The following NYAP2 variants were observed in gnomAD, a reference collection of about 807,000 sequenced individuals.
The protein encoded by NYAP2 is neuronal tyrosine-phosphorylated phosphoinositide-3-kinase adapter 2.
NYAP2 carries 23 observed loss-of-function variants against 50.4 expected under a neutral mutation model. The ratio of observed to expected loss-of-function variants is 0.46; its 90% CI spans 0.33 to 0.65. The LOEUF (loss-of-function observed/expected upper bound fraction) is 0.65, where lower values mean the gene tolerates loss of function less well. Ranked by LOEUF, NYAP2 falls within the 30% of genes least tolerant of loss-of-function variation. The pLI, the probability that NYAP2 is intolerant of heterozygous loss-of-function variation, is 0.02. For missense variants in NYAP2, 885 were observed against 861.0 expected (o/e 1.03, Z -0.35); for synonymous variants, 394 against 365.2 (o/e 1.08, Z -0.90).
intron 4 of NYAP2, among the ~76,000 whole-genome samples, chr2:225,554,348 T>C (rs908177253): frequency 6.8e-6 from 1 of 147,304 alleles, no homozygotes; most frequent in African/African-American, 2.5e-5. Context: ...TGAGACAGAA[T>C]CTCATTCTGT....
At chr2:225,616,624 C>T (rs1056814330) in intron 5 of NYAP2, among the ~76,000 whole-genome samples, 4 of 152,272 alleles carry the variant, frequency 2.6e-5, no homozygotes, top group East Asian at 1.9e-4. Context: ...AGAAAGTCAA[C>T]GTGAGCTCTG....
chr2:225,582,631 C>G lies in NYAP2; in HGVS notation c.1214C>G (p.Ser405Cys). The change falls in exon 5 of 7, where the codon TCT becomes TGT. Residue 405 changes from serine (S) to cysteine (C), a missense_variant. Ser to Cys is a moderately radical substitution (Grantham distance 112). Transcript: ENST00000636099. The surrounding 1 kb of genome is among the most constrained non-coding windows in gnomAD (Gnocchi z 7.0). ...CAGGCCGCGGCCCTGGGACCTGCCT[C>G]TGCCACCCCTGCGCTCTCCTCGTCG... 2 of 1,596,088 alleles carry G rather than the reference C, an allele frequency of 1.3e-6. No individual in the cohort carries two copies. The highest frequency in any genetic ancestry group is 2.3e-5 in the East Asian group (1 of 43,614).
At chr2:225,499,811 T>C (rs918624447) in intron 3 of NYAP2, among the ~76,000 whole-genome samples, 1 of 151,992 alleles carries the variant, frequency 6.6e-6, no homozygotes, top group Non-Finnish European at 1.5e-5. Flanking sequence ...TAAAGATGAA[T>C]GAATGATTTA....
intron 3 of NYAP2, among the ~76,000 whole-genome samples, chr2:225,483,731 A>T (rs1295311844): frequency 5.3e-5 from 8 of 152,226 alleles, no homozygotes; most frequent in Non-Finnish European, 7.4e-5. Flanking sequence ...TTTGAGTCCC[A>T]AAAAGGTTTA....
chr2:225,601,062 T>G (rs942241343), intron 5 of NYAP2, among the ~76,000 whole-genome samples: 1 of 152,166 alleles, frequency 6.6e-6, no homozygotes, highest in African/African-American at 2.4e-5. Context: ...TCACTTTCTA[T>G]TCTTTAGAAA....
chr2:225,591,158 C>T (rs1692495089), intron 5 of NYAP2, among the ~76,000 whole-genome samples: 1 of 152,028 alleles, frequency 6.6e-6, no homozygotes, highest in South Asian at 2.1e-4. Context: ...CAAAGGTGTG[C>T]TATCTCAGAG....
At chr2:225,417,905 C>T (rs1574604277) in intron 3 of NYAP2, among the ~76,000 whole-genome samples, 1 of 152,014 alleles carries the variant, frequency 6.6e-6, no homozygotes, top group East Asian at 1.9e-4. Context: ...TGCTTGTCCT[C>T]ATCGGAGTTA....
intron 5 of NYAP2, among the ~76,000 whole-genome samples, chr2:225,597,202 A>G (rs1427105202): frequency 6.6e-6 from 1 of 151,884 alleles, no homozygotes; most frequent in Non-Finnish European, 1.5e-5. Context: ...TATGTGAATA[A>G]GTCCTTTAGT....
chr2:225,497,370 G>A (rs79216207), intron 3 of NYAP2, among the ~76,000 whole-genome samples: 1 of 152,286 alleles, frequency 6.6e-6, no homozygotes, highest in East Asian at 1.9e-4. Context: ...CTCTTAAGTA[G>A]CGTCTTTAGT....
intron 3 of NYAP2, among the ~76,000 whole-genome samples, chr2:225,488,564 G>C (rs1370013977): frequency 6.6e-6 from 1 of 152,144 alleles, no homozygotes; most frequent in Non-Finnish European, 1.5e-5. Context: ...AGTAGAGACA[G>C]GGTTTTGCCA....
chr2:225,605,345 TA>T (rs1372521211), intron 5 of NYAP2, among the ~76,000 whole-genome samples: 1 of 152,244 alleles, frequency 6.6e-6, no homozygotes, highest in Non-Finnish European at 1.5e-5. Flanking sequence ...TTATCTTTTT[TA>T]AAAAAATTTA....
chr2:225,444,262 T>C (rs1689516866), intron 3 of NYAP2, among the ~76,000 whole-genome samples: 1 of 54,292 alleles, frequency 1.8e-5, no homozygotes, highest in Non-Finnish European at 4.2e-5. Flanking sequence ...GGTCTAACAT[T>C]CACACCAACA....
At chr2:225,420,427 A>G (rs891669732) in intron 3 of NYAP2, among the ~76,000 whole-genome samples, 1 of 152,180 alleles carries the variant, frequency 6.6e-6, no homozygotes, top group Non-Finnish European at 1.5e-5. Context: ...AATTTTTAAA[A>G]TTTTTTTATA....
chr2:225,583,779 G>T (rs1424197704), intron 5 of NYAP2, among the ~76,000 whole-genome samples: 1 of 152,114 alleles, frequency 6.6e-6, no homozygotes, highest in Non-Finnish European at 1.5e-5. Context: ...GGTGGCTCGC[G>T]CCTGTAATCC....
intron 4 of NYAP2, among the ~76,000 whole-genome samples, chr2:225,515,862 G>C (rs1690922370): frequency 6.6e-6 from 1 of 152,066 alleles, no homozygotes; most frequent in Non-Finnish European, 1.5e-5. Flanking sequence ...TGGGGGGCCT[G>C]AATGCAGTCA....
chr2:225,476,412 C>CAAA (rs61496030), intron 3 of NYAP2, among the ~76,000 whole-genome samples: 1 of 97,416 alleles, frequency 1.0e-5, no homozygotes, highest in South Asian at 3.3e-4. Flanking sequence ...GACTCTGTCT[C>CAAA]AAAAAAAAAA....
chr2:225,589,047 C>T lies in NYAP2; in HGVS notation c.1618+6012C>T, dbSNP rs148350299. 1.4e-3 allele frequency among the ~76,000 whole-genome samples: 208 copies of T among 152,312 alleles called. 3 individuals are homozygous for T. In the East Asian group the frequency reaches 0.035, roughly 25 times the overall value. On this transcript the variant is annotated intron_variant, in intron 5 of 6. Coordinates refer to ENST00000636099, the Ensembl canonical transcript of NYAP2. ...ATGCATCTAGCTTCTCCCACCATCT[C>T]TGCCTCTCCTCTTCTCTTTTCACTC...
chr2:225,404,317 GA>G (rs1012218306), intron 2 of NYAP2, among the ~76,000 whole-genome samples: 1 of 151,716 alleles, frequency 6.6e-6, no homozygotes, highest in Non-Finnish European at 1.5e-5. Flanking sequence ...TATAGAAAAA[GA>G]AAAAACGAGT....
intron 3 of NYAP2, among the ~76,000 whole-genome samples, chr2:225,470,309 T>C (rs1193328789): frequency 6.6e-6 from 1 of 152,188 alleles, no homozygotes; most frequent in Non-Finnish European, 1.5e-5. Context: ...CTCTTCATTC[T>C]TTTATTGTAT....
Sources: allele counts gnomAD v4.1 joint callset (sites outside exome capture counted in the v4.1 genomes callset), GRCh38; gene constraint gnomAD v4.1.1; non-coding constraint Gnocchi (gnomAD v3.1); transcripts MANE v1.5; gene names NCBI Gene and HGNC (gene_info 2026-07-23, HGNC 2026-07-21).